The following SLC24A3 variants were observed in gnomAD, a reference collection of about 807,000 sequenced individuals.
SLC24A3 encodes solute carrier family 24 member 3, also known as sodium/potassium/calcium exchanger 3.
Under a neutral mutation model 75.8 loss-of-function variants are expected in SLC24A3, and 28 were observed. The observed-to-expected ratio is 0.37, with a 90% CI of 0.27 to 0.51. The LOEUF (loss-of-function observed/expected upper bound fraction) is 0.51. Among genes scored for constraint, SLC24A3 ranks in the 20% least tolerant of loss-of-function variants. SLC24A3 has a pLI of 0.94. For missense variants in SLC24A3, 663 were observed against 847.8 expected (o/e 0.78, Z 2.71); for synonymous variants, 372 against 334.1 (o/e 1.11, Z -1.24).
chr20:19,631,789 A>AGT (rs1317875244), intron 6 of SLC24A3, among the ~76,000 whole-genome samples: 106 of 98,618 alleles, frequency 1.1e-3, no homozygotes, highest in Admixed American at 2.9e-3. Context: ...TGTATGAGTG[A>AGT]GAGTGTGTGT....
chr20:19,674,217 CT>C (rs1444435315), intron 9 of SLC24A3, among the ~76,000 whole-genome samples: 2 of 152,222 alleles, frequency 1.3e-5, no homozygotes, highest in East Asian at 3.8e-4. Flanking sequence ...TATCTGTGGA[CT>C]TCCATTATTT....
intron 1 of SLC24A3, among the ~76,000 whole-genome samples, chr20:19,257,418 A>G (rs923647802): frequency 1.3e-5 from 2 of 152,248 alleles, no homozygotes; most frequent in African/African-American, 4.8e-5. Flanking sequence ...AGCTGGCGTC[A>G]GCCAAGAACA....
intron 2 of SLC24A3, among the ~76,000 whole-genome samples, chr20:19,490,020 G>A (rs1016588374): frequency 2.2e-4 from 33 of 152,150 alleles, no homozygotes; most frequent in Admixed American, 6.5e-4. Context: ...TGGTTGGGGG[G>A]ATCCTGAATT....
rs1988319119 is a variant in SLC24A3, at chr20:19,497,872, C to T, written c.272-17616C>T. 2.6e-5 allele frequency among the ~76,000 whole-genome samples: 4 copies of T among 152,264 alleles called. No individual in the cohort carries two copies. The Middle Eastern group carries it at 0.01, about 388-fold the overall frequency. ...AGGAGAAATGCTTTAAAGCAGAGGT[C>T]CCCATTCCCCAGACCATGGACCAGT... On this transcript the variant is annotated intron_variant, in intron 2 of 16. Transcript: ENST00000328041.
At chr20:19,528,107 C>T (rs1184359744) in intron 3 of SLC24A3, among the ~76,000 whole-genome samples, 1 of 152,156 alleles carries the variant, frequency 6.6e-6, no homozygotes, top group Admixed American at 6.5e-5. Context: ...ATTCTAAATC[C>T]TTTTTTGTCC....
At chr20:19,287,037 A>C (rs1427764462) in intron 2 of SLC24A3, among the ~76,000 whole-genome samples, 2 of 152,240 alleles carry the variant, frequency 1.3e-5, no homozygotes, top group Non-Finnish European at 2.9e-5. Context: ...TCTGCTTTTT[A>C]ATTTGTATCA....
At chr20:19,668,431 C>T (rs2032426446) in intron 8 of SLC24A3, among the ~76,000 whole-genome samples, 1 of 152,180 alleles carries the variant, frequency 6.6e-6, no homozygotes, top group Non-Finnish European at 1.5e-5. Flanking sequence ...AGCACAGTAA[C>T]ATTTTGAAAA....
chr20:19,335,171 A>G (rs1218171105), intron 2 of SLC24A3, among the ~76,000 whole-genome samples: 2 of 152,238 alleles, frequency 1.3e-5, no homozygotes, highest in Non-Finnish European at 2.9e-5. Flanking sequence ...ATGGATAGTG[A>G]AAGTCTAAAT....
intron 3 of SLC24A3, among the ~76,000 whole-genome samples, chr20:19,536,060 G>T (rs1041601559): frequency 1.3e-5 from 2 of 152,100 alleles, no homozygotes; most frequent in African/African-American, 4.8e-5. Context: ...CCACATTGAG[G>T]ATCAAGTTTC....
At chr20:19,625,402 C>G (rs992097632) in intron 6 of SLC24A3, among the ~76,000 whole-genome samples, 1 of 152,108 alleles carries the variant, frequency 6.6e-6, no homozygotes, top group African/African-American at 2.4e-5. Flanking sequence ...TATTTCCTTC[C>G]TCAGTTACTC....
At chr20:19,413,217 G>T (rs1408900011) in intron 2 of SLC24A3, among the ~76,000 whole-genome samples, 1 of 152,144 alleles carries the variant, frequency 6.6e-6, no homozygotes, top group African/African-American at 2.4e-5. Flanking sequence ...ATTTTCATAA[G>T]TCAGACCATT....
chr20:19,648,042 C>T (rs1443431482), intron 6 of SLC24A3, among the ~76,000 whole-genome samples: 2 of 152,194 alleles, frequency 1.3e-5, no homozygotes, highest in African/African-American at 4.8e-5. Context: ...TATTACTGTC[C>T]ATTTTCGATA....
chr20:19,557,472 A>G (rs6081651), intron 3 of SLC24A3, among the ~76,000 whole-genome samples: 91,091 of 152,034 alleles, frequency 0.6, 28,980 homozygotes, highest in Non-Finnish European at 0.69. Context: ...GCTAACCCCT[A>G]TGTCCATCTA....
chr20:19,679,449 A>G (rs1386457623), intron 9 of SLC24A3, among the ~76,000 whole-genome samples: 1 of 151,514 alleles, frequency 6.6e-6, no homozygotes, highest in Non-Finnish European at 1.5e-5. Flanking sequence ...CCGAGATGGC[A>G]GCAGTACAGT....
chr20:19,484,370 T>G (rs893794182), intron 2 of SLC24A3, among the ~76,000 whole-genome samples: 1 of 152,204 alleles, frequency 6.6e-6, no homozygotes, highest in African/African-American at 2.4e-5. Flanking sequence ...ACCTGTCACA[T>G]GAGGTCAGGT....
In SLC24A3 at chr20:19,693,688, G is replaced by C. The variant is rs118102161; in HGVS notation, c.1491+263G>C. The C allele has an allele frequency of 1.4e-3, 536 of 379,452 alleles. 5 individuals are homozygous for C. Among genetic ancestry groups the C allele is most frequent in the East Asian group, 0.011 (265 of 23,736 alleles). 23.5% of individuals were successfully genotyped at this position (379,452 alleles called of 1,614,324 possible). On this transcript the variant is annotated intron_variant, in intron 13 of 16. Transcript: ENST00000328041. Reference sequence around the variant, plus strand: ...TTCAGGCTTCAGGGTGGTCATGTTTGATTCAGGCAGCAGGTGGGGTCCATG... The same window carrying C: ...TTCAGGCTTCAGGGTGGTCATGTTTCATTCAGGCAGCAGGTGGGGTCCATG...
intron 2 of SLC24A3, among the ~76,000 whole-genome samples, chr20:19,287,435 T>C (rs59391083): frequency 0.028 from 4,191 of 152,328 alleles, 70 homozygotes; most frequent in African/African-American, 0.032. Context: ...GAAACAGGTT[T>C]GGTGAACTGC....
chr20:19,663,410 C>T (rs1179156955), intron 7 of SLC24A3, among the ~76,000 whole-genome samples: 21 of 35,274 alleles, frequency 6.0e-4, no homozygotes, highest in African/African-American at 1.2e-3. Flanking sequence ...CCTCCTCCAC[C>T]TCCTCCTCCT....
At chr20:19,351,542 G>A (rs909898453) in intron 2 of SLC24A3, among the ~76,000 whole-genome samples, 2 of 152,172 alleles carry the variant, frequency 1.3e-5, no homozygotes, top group Admixed American at 1.3e-4. Flanking sequence ...CCTAAGTTAA[G>A]TGATTAAGCT....
Sources: gnomAD v4.1 joint callset for allele counts (sites outside exome capture counted in the v4.1 genomes callset) on GRCh38, gnomAD v4.1.1 for gene constraint, MANE v1.5 for transcripts, NCBI Gene and HGNC (gene_info 2026-07-23, HGNC 2026-07-21) for gene names.